Variants in OLA1 observed in about 807,000 individuals in gnomAD.
The protein encoded by OLA1 is obg-like ATPase 1.
Under a neutral mutation model 48.4 loss-of-function variants are expected in OLA1, and 14 were observed. That is an observed-to-expected ratio of 0.29 (90% CI 0.19 to 0.45). OLA1 has a LOEUF of 0.45. Ranked by LOEUF, OLA1 falls within the 20% of genes least tolerant of loss-of-function variation. The pLI is 1.00. For missense variants in OLA1, 325 were observed against 467.1 expected, an observed-to-expected ratio of 0.70 and a Z score of 2.80; for synonymous variants, 127 against 150.4, an observed-to-expected ratio of 0.84 and a Z score of 1.14.
chr2:174,159,766 A>G (rs1433984063), intron 4 of OLA1, among the ~76,000 whole-genome samples: 3 of 151,558 alleles, frequency 2.0e-5, no homozygotes, highest in Non-Finnish European at 4.4e-5. Context: ...CTATCTATAT[A>G]GAATGTCTGA....
At chr2:174,228,403 A>G (rs1448235316) in intron 3 of OLA1, among the ~76,000 whole-genome samples, 1 of 152,126 alleles carries the variant, frequency 6.6e-6, no homozygotes, top group Non-Finnish European at 1.5e-5. Context: ...CAAGTATTCT[A>G]TTTCTGTAAG....
At chr2:174,147,662 TTCTC>T in intron 4 of OLA1, among the ~76,000 whole-genome samples, 1 of 152,272 alleles carries the variant, frequency 6.6e-6, no homozygotes, top group African/African-American at 2.4e-5. Flanking sequence ...ATAAAGTCAT[TTCTC>T]TCTCTTAATG....
chr2:174,207,079 T>C (rs542053907), intron 4 of OLA1, among the ~76,000 whole-genome samples: 1 of 152,170 alleles, frequency 6.6e-6, no homozygotes, highest in African/African-American at 2.4e-5. Flanking sequence ...TGTTCATGGT[T>C]ACTAAAGGTG....
intron 2 of OLA1, among the ~76,000 whole-genome samples, chr2:174,243,111 C>A (rs1016100012): frequency 6.6e-6 from 1 of 152,086 alleles, no homozygotes; most frequent in African/African-American, 2.4e-5. Flanking sequence ...CAGGTTGAAG[C>A]AATTCTCCTG....
At chr2:174,179,611 T>C (rs1479050260) in intron 4 of OLA1, among the ~76,000 whole-genome samples, 1 of 151,988 alleles carries the variant, frequency 6.6e-6, no homozygotes, top group African/African-American at 2.4e-5. Flanking sequence ...ATAACAATAT[T>C]ATAATAAATT....
intron 5 of OLA1, among the ~76,000 whole-genome samples, chr2:174,124,509 T>C (rs1686002642): frequency 6.6e-6 from 1 of 152,156 alleles, no homozygotes; most frequent in African/African-American, 2.4e-5. Context: ...CCTTTCCTCA[T>C]CAGTTTTGTG....
intron 7 of OLA1, among the ~76,000 whole-genome samples, chr2:174,110,212 C>G (rs1482230259): frequency 1.3e-5 from 2 of 151,032 alleles, no homozygotes; most frequent in Non-Finnish European, 2.9e-5. Context: ...TCTCCGCTCA[C>G]TGCAACCTCC....
chr2:174,246,891 A>G lies in OLA1; in HGVS notation c.1-76T>C, dbSNP rs1006031332. The G allele has an allele frequency of 5.1e-6, 4 of 787,218 alleles. No homozygotes were observed. In the African/African-American group the frequency reaches 7.0e-5, roughly 14 times the overall value. 48.8% of individuals were successfully genotyped at this position (787,218 alleles called of 1,614,324 possible). ...ACCCAAAACACATTTCATCACATACAATATATTATTGAATTAAGATTAAGA... is the reference window on the plus strand; with the variant it reads ...ACCCAAAACACATTTCATCACATACGATATATTATTGAATTAAGATTAAGA... On this transcript the variant is annotated intron_variant, in intron 1 of 10. Transcript: ENST00000284719.
At chr2:174,133,116 C>T (rs374284325) in intron 5 of OLA1, among the ~76,000 whole-genome samples, 9 of 152,104 alleles carry the variant, frequency 5.9e-5, no homozygotes, top group South Asian at 4.1e-4. Flanking sequence ...ACTTTGATAT[C>T]GTATACTACA....
At chr2:174,163,462 C>T (rs943593211) in intron 4 of OLA1, among the ~76,000 whole-genome samples, 11 of 151,572 alleles carry the variant, frequency 7.3e-5, no homozygotes, top group Non-Finnish European at 1.3e-4. Context: ...CCAAGGCAGG[C>T]GGATCACCTG....
At chr2:174,219,988 C>G (rs1456595741) in intron 4 of OLA1, among the ~76,000 whole-genome samples, 1 of 151,984 alleles carries the variant, frequency 6.6e-6, no homozygotes, top group Non-Finnish European at 1.5e-5. Flanking sequence ...AAAAAGTAGC[C>G]TGGTGTGGTG....
At chr2:174,079,141 G>A (rs1353850373) in intron 9 of OLA1, 51 bp from the exon 10 acceptor site, 4 of 1,521,080 alleles carry the variant, frequency 2.6e-6, no homozygotes, top group Non-Finnish European at 3.5e-6. Flanking sequence ...ATGACTGATT[G>A]TAAGCACAGA....
chr2:174,204,253 T>C (rs1688058778), intron 4 of OLA1, among the ~76,000 whole-genome samples: 2 of 151,930 alleles, frequency 1.3e-5, no homozygotes, highest in South Asian at 4.2e-4. Context: ...TACAAAAAAT[T>C]AGCCGGGTGT....
intron 7 of OLA1, among the ~76,000 whole-genome samples, chr2:174,103,100 T>C (rs924081459): frequency 6.6e-6 from 1 of 151,996 alleles, no homozygotes; most frequent in Non-Finnish European, 1.5e-5. Context: ...CTGGGGAACA[T>C]CCACTGAGGG....
chr2:174,234,750 C>T (rs1296037741), intron 2 of OLA1, among the ~76,000 whole-genome samples: 2 of 151,828 alleles, frequency 1.3e-5, no homozygotes, highest in Non-Finnish European at 2.9e-5. Flanking sequence ...GGGTATGAGT[C>T]ACCATGCCCA....
chr2:174,123,509 T>TA, intron 6 of OLA1, 86 bp downstream of exon 6: 1 of 790,328 alleles, frequency 1.3e-6, no homozygotes, highest in Non-Finnish European at 2.0e-6. Context: ...GATATAATGG[T>TA]AAGTGTAAAA....
At chr2:174,120,692 T>G (rs1685895933) in intron 7 of OLA1, among the ~76,000 whole-genome samples, 1 of 152,150 alleles carries the variant, frequency 6.6e-6, no homozygotes, top group African/African-American at 2.4e-5. Flanking sequence ...TTCAAAATGC[T>G]TCCTTCTTTT....
intron 3 of OLA1, among the ~76,000 whole-genome samples, chr2:174,225,424 C>G (rs907170287): frequency 6.6e-6 from 1 of 152,152 alleles, no homozygotes; most frequent in Non-Finnish European, 1.5e-5. Flanking sequence ...GTAGCACATG[C>G]CTGTAATCCC....
intron 7 of OLA1, among the ~76,000 whole-genome samples, chr2:174,097,012 C>T (rs1175935353): frequency 2.0e-5 from 3 of 151,984 alleles, no homozygotes; most frequent in East Asian, 3.9e-4. Context: ...AAAAATTGGC[C>T]GGGCGTGGTG....
Sources: allele counts gnomAD v4.1 joint callset (sites outside exome capture counted in the v4.1 genomes callset), GRCh38; gene constraint gnomAD v4.1.1; transcripts MANE v1.5; gene names NCBI Gene and HGNC (gene_info 2026-07-23, HGNC 2026-07-21).